The following DAG1 variants were observed in gnomAD, a reference collection of about 807,000 sequenced individuals.
DAG1 encodes dystroglycan 1 (dystrophin-associated glycoprotein 1).
DAG1 carries 8 observed loss-of-function variants against 46.1 expected under a neutral mutation model. The ratio of observed to expected loss-of-function variants is 0.17; its 90% CI spans 0.10 to 0.31. The LOEUF is 0.31. Ranked by LOEUF, DAG1 falls within the 10% of genes least tolerant of loss-of-function variation. DAG1 has a pLI of 1.00. For synonymous variants in DAG1, 495 were observed against 481.8 expected (o/e 1.03, Z -0.36); for missense variants, 1,003 against 1,189.9 (o/e 0.84, Z 2.31).
Position 49,530,925 on chromosome 3 carries a change from G to T in DAG1, c.414G>T (p.Leu138=), listed in dbSNP as rs763846062. Residue 138 remains leucine (L), a synonymous_variant, in exon 3 of 3, where the codon CTG becomes CTT. Transcript: ENST00000308775. The part of the protein sequence containing the change: ...VHYISVSATR[L]GANGSHIPQT... ...ACATTTCAGTGAGCGCTACACGGCTGGGGGCCAACGGGAGCCACATCCCCC... is the reference window on the plus strand; with the variant it reads ...ACATTTCAGTGAGCGCTACACGGCTTGGGGCCAACGGGAGCCACATCCCCC... The T allele has an allele frequency of 6.2e-6, 10 of 1,613,990 alleles. No individual in the cohort carries two copies. Among genetic ancestry groups the T allele is most frequent in the Non-Finnish European group, 8.5e-6 (10 of 1,180,014 alleles).
At chr3:49,479,931 C>A in intron 1 of DAG1, among the ~76,000 whole-genome samples, 1 of 125,526 alleles carries the variant, frequency 8.0e-6, no homozygotes, top group South Asian at 2.6e-4. Context: ...TGAGCCCCCG[C>A]GCCAGCCTGA....
At chr3:49,476,022 A>G (rs1485419057) in intron 1 of DAG1, among the ~76,000 whole-genome samples, 1 of 152,080 alleles carries the variant, frequency 6.6e-6, no homozygotes, top group Non-Finnish European at 1.5e-5. Context: ...GCCATAGCTA[A>G]GCATTTTCTT....
rs777166212 is a variant in DAG1, at chr3:49,532,294, G to A, written c.1783G>A (p.Val595Ile). 3.7e-6 allele frequency: 6 copies of A among 1,614,126 alleles called. No individual in the cohort carries two copies. The highest frequency in any genetic ancestry group is 2.2e-5 in the South Asian group (2 of 91,082). Residue 595 changes from valine (V) to isoleucine (I), a missense_variant, in exon 3 of 3, where the codon GTC becomes ATC. Val to Ile is a conservative substitution (Grantham distance 29). Coordinates refer to ENST00000308775, the MANE Select transcript of DAG1 (RefSeq NM_004393.6). The surrounding 1 kb of genome is among the most constrained non-coding windows in gnomAD (Gnocchi z 5.4). Reference sequence around the variant, plus strand: ...GGCTGTGGATGCCTTCGAGATCCACGTCCACAGGCGCCCCCAAGGGGATAG... The same window carrying A: ...GGCTGTGGATGCCTTCGAGATCCACATCCACAGGCGCCCCCAAGGGGATAG... ...LSAVDAFEIH[V>I]HRRPQGDRAP... is the part of the protein sequence containing the mutation.
At chr3:49,474,880 C>T (rs1375667753) in intron 1 of DAG1, among the ~76,000 whole-genome samples, 24 of 149,664 alleles carry the variant, frequency 1.6e-4, no homozygotes, top group Non-Finnish European at 1.6e-4. Context: ...GGCATGATCT[C>T]GCCTCACTGC....
intron 2 of DAG1, among the ~76,000 whole-genome samples, chr3:49,515,493 C>T (rs538249588): frequency 6.6e-6 from 1 of 151,378 alleles, no homozygotes; most frequent in African/African-American, 2.4e-5. Context: ...TTAAGCAATC[C>T]TCTCACCTCA....
chr3:49,524,095 T>G (rs1184983467), intron 2 of DAG1, among the ~76,000 whole-genome samples: 1 of 152,188 alleles, frequency 6.6e-6, no homozygotes, highest in East Asian at 1.9e-4. Context: ...TATCCAGAGT[T>G]CCCGTGGACT....
rs543676739 is a variant in DAG1 at position 49,517,980 on chromosome 3, G to A, written c.285+7161G>A. On this transcript the variant is annotated intron_variant, in intron 2 of 2. Transcript: ENST00000308775. ...AAAGGCCAGTGCCCACATGTGGCAG[G>A]GTTGTCAATTTGAGTGAAAGTAAAT... is the stretch of plus-strand genomic sequence containing the variant. Among the ~76,000 whole-genome samples the A allele has an allele frequency of 5.9e-5, 9 of 152,302 alleles. No homozygotes were observed. The South Asian group carries it at 1.9e-3, about 32-fold the overall frequency.
chr3:49,479,320 T>TC (rs1284758030), intron 1 of DAG1, among the ~76,000 whole-genome samples: 4 of 151,522 alleles, frequency 2.6e-5, no homozygotes, highest in African/African-American at 9.7e-5. Flanking sequence ...AGATTTTTTT[T>TC]TTTTTTTGAG....
intron 2 of DAG1, among the ~76,000 whole-genome samples, chr3:49,514,427 C>T (rs989233786): frequency 2.0e-5 from 3 of 152,150 alleles, no homozygotes; most frequent in Non-Finnish European, 2.9e-5. Context: ...CACACACAGA[C>T]GTCTTAACAT....
At chr3:49,489,905 G>A (rs9839368) in intron 1 of DAG1, among the ~76,000 whole-genome samples, 2,738 of 152,128 alleles carry the variant, frequency 0.018, 96 homozygotes, top group African/African-American at 0.062. Context: ...TGAGGTAAGT[G>A]GGGTGGGGTA....
At chr3:49,522,125 G>T (rs2051045203) in intron 2 of DAG1, among the ~76,000 whole-genome samples, 1 of 152,120 alleles carries the variant, frequency 6.6e-6, no homozygotes, top group Admixed American at 6.5e-5. Flanking sequence ...CGCCTCCCGG[G>T]TTCAAGCAAT....
intron 1 of DAG1, among the ~76,000 whole-genome samples, chr3:49,473,416 C>T (rs1309919320): frequency 6.6e-6 from 1 of 151,698 alleles, no homozygotes; most frequent in Non-Finnish European, 1.5e-5. Flanking sequence ...AGCGAGACTC[C>T]GTCTCAAAAC....
At chr3:49,480,983 G>T (rs1489864979) in intron 1 of DAG1, among the ~76,000 whole-genome samples, 1 of 143,186 alleles carries the variant, frequency 7.0e-6, no homozygotes, top group Non-Finnish European at 1.6e-5. Context: ...GGACGGTCTC[G>T]ATCTCCTGAC....
At chr3:49,505,612 A>G (rs991853632) in intron 1 of DAG1, among the ~76,000 whole-genome samples, 2 of 152,186 alleles carry the variant, frequency 1.3e-5, no homozygotes, top group African/African-American at 2.4e-5. Context: ...CATTTTCTAC[A>G]TAGACAATTA....
intron 1 of DAG1, among the ~76,000 whole-genome samples, chr3:49,479,265 C>T (rs1028198063): frequency 1.3e-5 from 2 of 151,966 alleles, no homozygotes; most frequent in East Asian, 1.9e-4. Flanking sequence ...CCTGGGGTCT[C>T]CTCCAGAGAT....
chr3:49,494,642 T>A (rs565190559), intron 1 of DAG1, among the ~76,000 whole-genome samples: 1 of 152,020 alleles, frequency 6.6e-6, no homozygotes, highest in East Asian at 1.9e-4. Context: ...ATTATTATTT[T>A]TTTTTTTTTG....
chr3:49,511,562 G>A (rs2050762299), intron 2 of DAG1, among the ~76,000 whole-genome samples: 1 of 152,204 alleles, frequency 6.6e-6, no homozygotes. Flanking sequence ...CACCCAAGCT[G>A]GAGTGCACTG....
rs1366909914 is a variant in DAG1, at chr3:49,528,104, G to T, written c.286-2693G>T. Among the ~76,000 whole-genome samples, 9 of 151,286 alleles carry T rather than the reference G, an allele frequency of 5.9e-5. No individual in the cohort carries two copies. The East Asian group carries it at 1.8e-3, about 31-fold the overall frequency. On this transcript the variant is annotated intron_variant, in intron 2 of 2. Coordinates refer to ENST00000308775, the MANE Select transcript of DAG1 (RefSeq NM_004393.6). The stretch of plus-strand genomic sequence containing the variant: ...TCCCACTCCTGTAAAACATCTCATG[G>T]GCCTTACTTATTTGCTTCATGGTGG...
At chr3:49,487,387 T>G (rs1365837331) in intron 1 of DAG1, 1 of 152,216 alleles carries the variant, frequency 6.6e-6, no homozygotes, top group Non-Finnish European at 1.5e-5. Flanking sequence ...CTGTCTTCAG[T>G]AGGACAACAG....
Sources: allele counts gnomAD v4.1 joint callset (sites outside exome capture counted in the v4.1 genomes callset), GRCh38; gene constraint gnomAD v4.1.1; non-coding constraint Gnocchi (gnomAD v3.1); transcripts MANE v1.5; gene names NCBI Gene and HGNC (gene_info 2026-07-23, HGNC 2026-07-21).